Variants in CPNE5 observed in about 807,000 individuals in gnomAD.
CPNE5 encodes copine-5.
In CPNE5, 42 loss-of-function variants were observed where a neutral mutation model predicts 81.1. That is an observed-to-expected ratio of 0.52 (90% CI 0.40 to 0.67). CPNE5 has a LOEUF of 0.67. CPNE5 is among the 30% of genes least tolerant of loss of function. The pLI is 0.00. For synonymous variants in CPNE5, 313 were observed against 321.5 expected (o/e 0.97, Z 0.28); for missense variants, 612 against 815.5 (o/e 0.75, Z 3.04).
At chr6:36,828,294 C>CAAA (rs368041531) in intron 1 of CPNE5, among the ~76,000 whole-genome samples, 2,985 of 83,558 alleles carry the variant, frequency 0.036, 49 homozygotes, top group African/African-American at 0.078. Flanking sequence ...ATCTCTAAAA[C>CAAA]AACAACAACA....
intron 7 of CPNE5, chr6:36,792,316 C>T (rs1403071915): frequency 3.3e-6 from 5 of 1,522,004 alleles, no homozygotes; most frequent in Non-Finnish European, 4.4e-6. Flanking sequence ...AGCTGCCCCA[C>T]CCCCTGCTCC....
chr6:36,806,831 T>C (rs1226804770), intron 3 of CPNE5, among the ~76,000 whole-genome samples: 3 of 152,202 alleles, frequency 2.0e-5, no homozygotes, highest in Non-Finnish European at 4.4e-5. Context: ...CAATGTCCTG[T>C]GCCAGCCCTT....
At chr6:36,796,456 C>T (rs1056105883) in intron 6 of CPNE5, among the ~76,000 whole-genome samples, 2 of 152,198 alleles carry the variant, frequency 1.3e-5, no homozygotes, top group Non-Finnish European at 2.9e-5. Context: ...GACACCCTCC[C>T]TCATAGGGCA....
At chr6:36,784,949 G>A (rs200716508) in intron 8 of CPNE5, among the ~76,000 whole-genome samples, 28 of 137,534 alleles carry the variant, frequency 2.0e-4, no homozygotes, top group African/African-American at 3.0e-4. Flanking sequence ...AGAGAGAGAG[G>A]AAAAAAAAAA....
chr6:36,744,018 G>A (rs898520014), intron 19 of CPNE5, among the ~76,000 whole-genome samples: 2 of 152,244 alleles, frequency 1.3e-5, no homozygotes, highest in Admixed American at 6.5e-5. Context: ...GAAGTGACTT[G>A]GGGCCTCCTC....
intron 10 of CPNE5, among the ~76,000 whole-genome samples, chr6:36,772,388 T>C (rs1767114225): frequency 6.6e-6 from 1 of 152,120 alleles, no homozygotes; most frequent in South Asian, 2.1e-4. Context: ...TCTCATCCCC[T>C]CACCCACTCT....
rs1397591251 is a variant in CPNE5 at position 36,774,827 on chromosome 6, T to A, written c.737+134A>T. ...GCCCCAGCCTGTGCAGGGCACCCCCTACTGCACAACTCCAGAAGGCCTCAT... is the reference window on the plus strand; with the variant it reads ...GCCCCAGCCTGTGCAGGGCACCCCCAACTGCACAACTCCAGAAGGCCTCAT... On this transcript the variant is annotated intron_variant, in intron 10 of 20. Coordinates refer to ENST00000244751, the MANE Select transcript of CPNE5 (RefSeq NM_020939.2). 2.5e-5 allele frequency: 17 copies of A among 683,190 alleles called. No individual in the cohort carries two copies. In the East Asian group the frequency reaches 4.6e-4, roughly 19 times the overall value. The allele number at this position is 683,190 out of a possible 1,614,324, so 42.3% of individuals were successfully genotyped here.
chr6:36,825,017 C>T (rs1772379194), intron 1 of CPNE5, among the ~76,000 whole-genome samples: 1 of 152,152 alleles, frequency 6.6e-6, no homozygotes, highest in African/African-American at 2.4e-5. Flanking sequence ...TCTTTCTCCT[C>T]CATGATGGGG....
chr6:36,768,182 T>C (rs1766727519), intron 10 of CPNE5, among the ~76,000 whole-genome samples: 1 of 144,840 alleles, frequency 6.9e-6, no homozygotes, highest in African/African-American at 2.6e-5. Context: ...GGGAAGACCA[T>C]GGGGAGAAGA....
rs572964249 is a variant in CPNE5 at position 36,821,233 on chromosome 6, C to T, written c.183+881G>A. Among the ~76,000 whole-genome samples, 231 of 147,630 alleles carry T rather than the reference C, an allele frequency of 1.6e-3. 1 individual carries two copies. The highest frequency in any genetic ancestry group is 5.4e-3 in the African/African-American group (214 of 39,628). ...AGGTGAAAAGGCCTGGAGGCGGGGG[C>T]GGGCCGTGTGACTGGAGTGGAGTGG... On this transcript the variant is annotated intron_variant, in intron 3 of 20. Coordinates refer to ENST00000244751, the MANE Select transcript of CPNE5 (RefSeq NM_020939.2).
chr6:36,828,541 C>T (rs1047234494), intron 1 of CPNE5, among the ~76,000 whole-genome samples: 2 of 152,208 alleles, frequency 1.3e-5, no homozygotes, highest in Admixed American at 6.5e-5. Flanking sequence ...TGCATCAATG[C>T]ACTGAGCAAA....
chr6:36,773,455 C>T (rs1178627574), intron 10 of CPNE5, among the ~76,000 whole-genome samples: 4 of 152,204 alleles, frequency 2.6e-5, no homozygotes, highest in African/African-American at 7.2e-5. Flanking sequence ...ATGTCTGCCT[C>T]CCCTACTGGC....
chr6:36,742,193 G>A lies in CPNE5; in HGVS notation c.*75C>T, dbSNP rs942118060. 2.5e-5 allele frequency: 31 copies of A among 1,234,880 alleles called. No homozygotes were observed. The highest frequency in any genetic ancestry group is 4.3e-5 in the South Asian group (3 of 70,210). 76.5% of individuals were successfully genotyped at this position (1,234,880 alleles called of 1,614,324 possible). On this transcript the variant is annotated 3_prime_UTR_variant, in exon 21 of 21. Transcript: ENST00000244751. ...CCCAAAGGCCGGGCAGGCCAACTTC[G>A]GGGAGTCTGGGGCCCTGGCCTCCCA...
At chr6:36,756,111 C>CCCAAAAA in intron 13 of CPNE5, 134 bp downstream of exon 13, 2 of 520,752 alleles carry the variant, frequency 3.8e-6, no homozygotes, top group East Asian at 4.1e-5. Flanking sequence ...CCTCCCCACC[C>CCCAAAAA]CATCTCTCTT....
intron 20 of CPNE5, 193 bp from the exon 21 acceptor site, chr6:36,742,679 A>G: frequency 1.0e-6 from 1 of 984,232 alleles, no homozygotes; most frequent in South Asian, 4.7e-5. Flanking sequence ...AACTATAGTC[A>G]TAGTCACTAT....
intron 8 of CPNE5, among the ~76,000 whole-genome samples, chr6:36,789,507 A>G (rs1236988921): frequency 1.3e-5 from 2 of 152,228 alleles, no homozygotes; most frequent in Non-Finnish European, 2.9e-5. Context: ...CACTGAATTT[A>G]GGTTCAAGGA....
chr6:36,756,276 A>G lies in CPNE5; in HGVS notation c.878T>C (p.Met293Thr), dbSNP rs1490030368. 12 of 1,613,412 alleles carry G rather than the reference A, an allele frequency of 7.4e-6. 1 individual carries two copies. The highest frequency in any genetic ancestry group is 1.0e-5 in the Non-Finnish European group (12 of 1,179,856). ...AGAATTCACGTATTTCTTTTTCTTCATTTTCTTTTTCGGGTTTACCACCTG... is the reference window on the plus strand; with the variant it reads ...AGAATTCACGTATTTCTTTTTCTTCGTTTTCTTTTTCGGGTTTACCACCTG... ...IYEVVNPKKK[M>T]KKKKYVNSGT... The change falls in exon 13 of 21, where the codon ATG becomes ACG. Residue 293 changes from methionine (M) to threonine (T), a missense_variant. Physicochemically the swap from Met to Thr is moderately conservative, Grantham distance 81 (BLOSUM62 -1). Transcript: ENST00000244751.
At chr6:36,794,909 C>T (rs560027378) in intron 6 of CPNE5, among the ~76,000 whole-genome samples, 2 of 152,280 alleles carry the variant, frequency 1.3e-5, no homozygotes, top group South Asian at 4.1e-4. Context: ...TGTAAATTCC[C>T]AGGCCGAGCC....
chr6:36,811,356 A>G (rs1261944794), intron 3 of CPNE5, among the ~76,000 whole-genome samples: 1 of 152,190 alleles, frequency 6.6e-6, no homozygotes, highest in African/African-American at 2.4e-5. Flanking sequence ...CAGATAAAGC[A>G]TTGGTTTCTT....
Sources: gnomAD v4.1 joint callset for allele counts (sites outside exome capture counted in the v4.1 genomes callset) on GRCh38, gnomAD v4.1.1 for gene constraint, MANE v1.5 for transcripts, NCBI Gene and HGNC (gene_info 2026-07-23, HGNC 2026-07-21) for gene names.